Variants in DPH6 observed in about 807,000 individuals in gnomAD.
The protein encoded by DPH6 is diphthamine biosynthesis 6, also known as diphthine--ammonia ligase.
Under a neutral mutation model 38.2 loss-of-function variants are expected in DPH6, and 33 were observed. The observed-to-expected ratio is 0.86, with a 90% CI of 0.65 to 1.15. The LOEUF is 1.15. Ranked by LOEUF, DPH6 falls within the 50% of genes most tolerant of loss-of-function variation. DPH6 has a pLI of 0.00. For missense variants in DPH6, 325 were observed against 320.0 expected (o/e 1.02, Z -0.12); for synonymous variants, 108 against 103.0 (o/e 1.05, Z -0.30).
intron 3 of DPH6, among the ~76,000 whole-genome samples, chr15:35,277,832 T>C (rs1289521994): frequency 6.6e-6 from 1 of 152,186 alleles, no homozygotes; most frequent in Non-Finnish European, 1.5e-5. Flanking sequence ...TGACCTAGGG[T>C]ATCTGGCAGA....
At chr15:35,182,349 G>C in the DPH6 span, among the ~76,000 whole-genome samples, 45 of 146,660 alleles carry the variant, frequency 3.1e-4, no homozygotes, top group South Asian at 9.3e-3. Context: ...CAAAAGTAAT[G>C]TGCAATTCTG....
the DPH6 span, among the ~76,000 whole-genome samples, chr15:35,196,575 A>G: frequency 2.5e-4 from 38 of 152,348 alleles, 1 homozygote; most frequent in Middle Eastern, 3.4e-3. Flanking sequence ...TGATCCACAG[A>G]ATAAACTTGT....
chr15:35,545,634 G>A (rs1021329119), intron 1 of DPH6, among the ~76,000 whole-genome samples: 3 of 152,204 alleles, frequency 2.0e-5, no homozygotes, highest in Non-Finnish European at 4.4e-5. Context: ...GAGGAAGCCA[G>A]GCTGCGGCGG....
At chr15:35,231,557 G>A (rs569326194) in intron 3 of DPH6, among the ~76,000 whole-genome samples, 7 of 152,278 alleles carry the variant, frequency 4.6e-5, no homozygotes, top group African/African-American at 1.4e-4. Flanking sequence ...TGTTGCGGGT[G>A]GACAATCAGT....
intron 3 of DPH6, among the ~76,000 whole-genome samples, chr15:35,481,397 T>C (rs998485054): frequency 6.6e-6 from 1 of 152,074 alleles, no homozygotes; most frequent in Non-Finnish European, 1.5e-5. Context: ...TTACAGAAGA[T>C]TATAGATTAC....
chr15:35,387,114 C>G (rs1595520595), intron 6 of DPH6, among the ~76,000 whole-genome samples: 1 of 152,150 alleles, frequency 6.6e-6, no homozygotes, highest in South Asian at 2.1e-4. Flanking sequence ...TTCCCCATTG[C>G]TTGTTTTTGT....
chr15:35,162,127 C>A, the DPH6 span, among the ~76,000 whole-genome samples: 1 of 151,958 alleles, frequency 6.6e-6, no homozygotes, highest in Admixed American at 6.6e-5. Context: ...TAGCCCAAGA[C>A]ATGTACATTG....
chr15:35,250,022 CG>C (rs1326365140), intron 3 of DPH6, among the ~76,000 whole-genome samples: 2 of 151,422 alleles, frequency 1.3e-5, no homozygotes, highest in African/African-American at 4.9e-5. Flanking sequence ...AAAAATTAGC[CG>C]GGCGTGGTGG....
At chr15:35,182,649 T>C in the DPH6 span, among the ~76,000 whole-genome samples, 24 of 152,290 alleles carry the variant, frequency 1.6e-4, no homozygotes, top group East Asian at 3.3e-3. Flanking sequence ...TGTATGACAA[T>C]TGTTAAAGAG....
chr15:35,256,365 A>T (rs1341333138), intron 3 of DPH6, among the ~76,000 whole-genome samples: 1 of 152,176 alleles, frequency 6.6e-6, no homozygotes, highest in African/African-American at 2.4e-5. Context: ...TACTAGTCAG[A>T]TACTTTTCTA....
chr15:35,402,529 A>C (rs1290681108), intron 6 of DPH6, among the ~76,000 whole-genome samples: 8 of 152,196 alleles, frequency 5.3e-5, no homozygotes, highest in Admixed American at 5.2e-4. Flanking sequence ...CTGTTCAAAG[A>C]ATAGTTCTAA....
At chr15:35,515,221 T>C (rs2054828817) in intron 3 of DPH6, among the ~76,000 whole-genome samples, 1 of 152,044 alleles carries the variant, frequency 6.6e-6, no homozygotes, top group Non-Finnish European at 1.5e-5. Context: ...TATTATAGCA[T>C]GTGACTTCTT....
chr15:35,436,514 C>CAAAAAAAAAAAAAAA (rs1277172991), intron 5 of DPH6, among the ~76,000 whole-genome samples: 13 of 123,210 alleles, frequency 1.1e-4, no homozygotes, highest in African/African-American at 4.0e-4. Flanking sequence ...CAAAACAAAA[C>CAAAAAAAAAAAAAAA]AAAAAAGGTT....
At chr15:35,521,927 G>A in intron 3 of DPH6, 1 of 1,417,354 alleles carries the variant, frequency 7.1e-7, no homozygotes. Context: ...TGAATACATG[G>A]AAAGTTCATT....
intron 6 of DPH6, among the ~76,000 whole-genome samples, chr15:35,406,326 G>A (rs2053292916): frequency 6.6e-6 from 1 of 152,002 alleles, no homozygotes; most frequent in Non-Finnish European, 1.5e-5. Context: ...TATCTTATAA[G>A]CCTCATTTTC....
intron 3 of DPH6, among the ~76,000 whole-genome samples, chr15:35,234,812 T>G (rs2051540441): frequency 6.6e-6 from 1 of 152,184 alleles, no homozygotes; most frequent in Non-Finnish European, 1.5e-5. Flanking sequence ...GCTTGGTGCT[T>G]GGTGGTATGG....
intron 5 of DPH6, among the ~76,000 whole-genome samples, chr15:35,445,527 T>G (rs528537507): frequency 1.3e-5 from 2 of 152,042 alleles, no homozygotes; most frequent in African/African-American, 4.8e-5. Context: ...GTGTGACAAT[T>G]TGAAAAAACT....
At chr15:35,273,799 G>A (rs889845934) in intron 3 of DPH6, among the ~76,000 whole-genome samples, 2 of 152,172 alleles carry the variant, frequency 1.3e-5, no homozygotes, top group African/African-American at 2.4e-5. Context: ...TGGATAGGAA[G>A]AATCAATATC....
the DPH6 span, among the ~76,000 whole-genome samples, chr15:35,173,271 T>C: frequency 6.6e-6 from 1 of 152,250 alleles, no homozygotes; most frequent in African/African-American, 2.4e-5. Context: ...TCCAAAGCTG[T>C]AGAACTGGGT....
Sources: allele counts gnomAD v4.1 joint callset (sites outside exome capture counted in the v4.1 genomes callset), GRCh38; gene constraint gnomAD v4.1.1; transcripts MANE v1.5; gene names NCBI Gene and HGNC (gene_info 2026-07-23, HGNC 2026-07-21).